LRTM1: variants seen among roughly 807,000 people sequenced by gnomAD.
The protein encoded by LRTM1 is leucine-rich repeat and transmembrane domain-containing protein 1.
A neutral mutation model predicts 32.4 loss-of-function variants in LRTM1; 38 were observed. The ratio of observed to expected loss-of-function variants is 1.17; its 90% CI spans 0.91 to 1.54. The LOEUF is 1.54. LRTM1 is among the 40% of genes most tolerant of loss of function. The probability of loss-of-function intolerance (pLI) is 0.00; values close to 1 mark genes in which losing one functional copy is unlikely to be tolerated. For synonymous variants in LRTM1, 186 were observed against 169.9 expected (o/e 1.09, Z -0.74); for missense variants, 466 against 415.4 (o/e 1.12, Z -1.06).
intron 1 of LRTM1, among the ~76,000 whole-genome samples, chr3:54,958,940 C>CA (rs1168684614): frequency 1.3e-5 from 2 of 151,998 alleles, no homozygotes; most frequent in African/African-American, 4.8e-5. Flanking sequence ...CCTGTCTCTA[C>CA]AAAAAACACA....
At chr3:54,926,854 G>A (rs1286710927) in intron 1 of LRTM1, among the ~76,000 whole-genome samples, 1 of 151,690 alleles carries the variant, frequency 6.6e-6, no homozygotes, top group East Asian at 1.9e-4. Context: ...ACTGGGAGAG[G>A]GTCTCTGGAA....
intron 1 of LRTM1, among the ~76,000 whole-genome samples, chr3:54,966,650 C>A (rs1453503171): frequency 6.6e-6 from 1 of 152,132 alleles, no homozygotes; most frequent in African/African-American, 2.4e-5. Context: ...GAAACTTCAC[C>A]TCTACAGAAA....
upstream of LRTM1, among the ~76,000 whole-genome samples, chr3:54,931,443 G>A (rs1559634884): frequency 6.6e-6 from 1 of 152,184 alleles, no homozygotes. Flanking sequence ...ATGCTAGGCA[G>A]TGCCTTTTCT....
chr3:54,925,157 C>T lies in LRTM1; in HGVS notation c.66G>A (p.Pro22=), dbSNP rs143700577. ...TAGATGACTGACAGTAACACTTGTC[C>T]GGGCAGCTGCATACCACCTGGAGCA... ...IVLLQVVCSC[P]DKCYCQSSTN... The change falls in exon 2 of 3, where the codon CCG becomes CCA. Residue 22 remains proline (P), a synonymous_variant. Coordinates refer to ENST00000273286, the MANE Select transcript of LRTM1 (RefSeq NM_020678.4). 420 of 1,613,890 alleles carry T rather than the reference C, an allele frequency of 2.6e-4. 1 individual carries two copies. Among genetic ancestry groups the T allele is most frequent in the Non-Finnish European group, 3.1e-4 (360 of 1,179,998 alleles).
At chr3:54,927,737 A>T (rs917489503) in intron 1 of LRTM1, among the ~76,000 whole-genome samples, 168 bp downstream of exon 1, 2 of 152,152 alleles carry the variant, frequency 1.3e-5, no homozygotes, top group Non-Finnish European at 2.9e-5. Flanking sequence ...CTTCCTCTGC[A>T]CCCAACATGC....
intron 1 of LRTM1, among the ~76,000 whole-genome samples, chr3:54,962,472 C>T (rs1702052801): frequency 6.6e-6 from 1 of 152,162 alleles, no homozygotes; most frequent in Non-Finnish European, 1.5e-5. Context: ...AGGAGCAAGT[C>T]ATAACATGAA....
chr3:54,922,455 T>C (rs1239989404), intron 2 of LRTM1, among the ~76,000 whole-genome samples: 1 of 152,166 alleles, frequency 6.6e-6, no homozygotes, highest in Non-Finnish European at 1.5e-5. Flanking sequence ...ACAATTTTAT[T>C]TGTAACCTCT....
chr3:54,931,766 A>G (rs968658824), upstream of LRTM1, among the ~76,000 whole-genome samples: 8 of 152,196 alleles, frequency 5.3e-5, no homozygotes, highest in African/African-American at 1.4e-4. Context: ...ATGTTAGTCT[A>G]TTTACCATTT....
chr3:54,934,335 G>A (rs372986782), intron 1 of LRTM1, among the ~76,000 whole-genome samples: 1 of 152,170 alleles, frequency 6.6e-6, no homozygotes, highest in Non-Finnish European at 1.5e-5. Flanking sequence ...CTCTTGAGCC[G>A]TTCAGTGGAG....
At chr3:54,952,818 G>A (rs1315733743) in intron 1 of LRTM1, among the ~76,000 whole-genome samples, 1 of 152,136 alleles carries the variant, frequency 6.6e-6, no homozygotes, top group Non-Finnish European at 1.5e-5. Context: ...ATCTATCTAT[G>A]AGGATTCCAC....
intron 1 of LRTM1, among the ~76,000 whole-genome samples, chr3:54,936,591 C>G (rs1207368986): frequency 6.6e-6 from 1 of 152,112 alleles, no homozygotes; most frequent in Non-Finnish European, 1.5e-5. Flanking sequence ...TAGTGATGTT[C>G]TCATCTTTTC....
chr3:54,931,241 C>T (rs1203259685), upstream of LRTM1, among the ~76,000 whole-genome samples: 1 of 152,200 alleles, frequency 6.6e-6, no homozygotes, highest in Non-Finnish European at 1.5e-5. Flanking sequence ...TTCCTGGCAA[C>T]ATCTGCTTAC....
At chr3:54,926,150 C>T (rs1701008754) in intron 1 of LRTM1, among the ~76,000 whole-genome samples, 1 of 152,090 alleles carries the variant, frequency 6.6e-6, no homozygotes. Flanking sequence ...ATGTATCCCT[C>T]CAGACATTTT....
upstream of LRTM1, among the ~76,000 whole-genome samples, chr3:54,933,033 T>TTCCA (rs140054701): frequency 6.8e-6 from 1 of 147,024 alleles, no homozygotes; most frequent in Non-Finnish European, 1.5e-5. Flanking sequence ...TAATATTGTC[T>TTCCA]TCCATCCATC....
chr3:54,938,556 C>T (rs954337222), intron 1 of LRTM1, among the ~76,000 whole-genome samples: 8 of 152,086 alleles, frequency 5.3e-5, no homozygotes, highest in Admixed American at 5.2e-4. Flanking sequence ...AGCCAAGCAT[C>T]ATTTTGCTGA....
chr3:54,956,297 G>A (rs1300999825), intron 1 of LRTM1, among the ~76,000 whole-genome samples: 2 of 152,210 alleles, frequency 1.3e-5, no homozygotes, highest in Non-Finnish European at 2.9e-5. Flanking sequence ...TGTTCCTGGT[G>A]TAGTCATCCT....
Position 54,925,010 on chromosome 3 carries a change from C to A in LRTM1, c.213G>T (p.Arg71Ser). 6.2e-7 allele frequency: 1 copy of A among 1,614,066 alleles called. No homozygotes were observed. The highest frequency in any genetic ancestry group is 2.2e-5 in the East Asian group (1 of 44,874). The change falls in exon 2 of 3, where the codon AGG becomes AGT. Residue 71 changes from arginine (R) to serine (S), a missense_variant. Arg to Ser is a moderately radical substitution (Grantham distance 110, BLOSUM62 -1). Transcript: ENST00000273286. ...QIHHLPAFAF[R>S]SVPWLMTLNL... Reference sequence around the variant, plus strand: ...TTAAGGTCATGAGCCATGGCACTGACCTAAATGCAAAAGCAGGAAGATGGT... The same window carrying A: ...TTAAGGTCATGAGCCATGGCACTGAACTAAATGCAAAAGCAGGAAGATGGT...
upstream of LRTM1, among the ~76,000 whole-genome samples, chr3:54,932,549 GTCTTA>G (rs1701215367): frequency 6.6e-6 from 1 of 152,202 alleles, no homozygotes; most frequent in South Asian, 2.1e-4. Context: ...TATTTGAGAT[GTCTTA>G]TCTTCTAGTG....
upstream of LRTM1, among the ~76,000 whole-genome samples, chr3:54,931,811 C>T (rs1701197498): frequency 6.6e-6 from 1 of 152,134 alleles, no homozygotes; most frequent in South Asian, 2.1e-4. Context: ...TGATTATTAA[C>T]CCTACAATAA....
Sources: allele counts gnomAD v4.1 joint callset (sites outside exome capture counted in the v4.1 genomes callset), GRCh38; gene constraint gnomAD v4.1.1; transcripts MANE v1.5; gene names NCBI Gene and HGNC (gene_info 2026-07-23, HGNC 2026-07-21).